The following IPMK variants were observed in gnomAD, a reference collection of about 807,000 sequenced individuals.
IPMK encodes the protein inositol polyphosphate multikinase, also known as inositol 1,3,4,6-tetrakisphosphate 5-kinase.
A neutral mutation model predicts 45.8 loss-of-function variants in IPMK; 17 were observed. The ratio of observed to expected loss-of-function variants is 0.37; its 90% CI spans 0.25 to 0.56. IPMK has a LOEUF of 0.56. IPMK is among the 20% of genes least tolerant of loss of function. The pLI, the probability that IPMK is intolerant of heterozygous loss-of-function variation, is 0.79. For synonymous variants in IPMK, 180 were observed against 184.3 expected (o/e 0.98, Z 0.19); for missense variants, 399 against 498.0 (o/e 0.80, Z 1.89).
intron 1 of IPMK, among the ~76,000 whole-genome samples, chr10:58,258,288 G>A (rs1343483556): frequency 6.7e-6 from 1 of 150,280 alleles, no homozygotes; most frequent in East Asian, 2.0e-4. Context: ...CCAGCCTGGC[G>A]ACGGAGCGAG....
At chr10:58,250,255 CTG>C (rs1359207445) in intron 1 of IPMK, among the ~76,000 whole-genome samples, 2 of 152,204 alleles carry the variant, frequency 1.3e-5, no homozygotes, top group Admixed American at 6.5e-5. Context: ...TACATTGACT[CTG>C]TAGACTGCTT....
rs774063548 is a variant in IPMK, at chr10:58,196,481, T to A, written c.846A>T (p.Gln282His). 3.1e-6 allele frequency: 5 copies of A among 1,613,990 alleles called. No homozygotes were observed. The highest frequency in any genetic ancestry group is 4.2e-6 in the Non-Finnish European group (5 of 1,180,006). The change falls in exon 6 of 6, where the codon CAA becomes CAT. Residue 282 changes from glutamine to histidine, a missense_variant. Gln to His is a conservative substitution (Grantham distance 24). Around this residue, in one of 2 missense-constraint regions of IPMK, gnomAD observed 288 missense variants for 398.0 expected, o/e 0.72. Transcript: ENST00000373935. ...ACTCTAGTACTTCTGTGTCTGACAG[T>A]TGTCCTTTGGACAAAAACTTTTCTG... ...TLAEKFLSKG[Q>H]LSDTEVLEYN... is the part of the protein sequence containing the mutation.
intron 1 of IPMK, among the ~76,000 whole-genome samples, chr10:58,241,917 T>C (rs1838700966): frequency 6.6e-6 from 1 of 151,660 alleles, no homozygotes; most frequent in Admixed American, 6.6e-5. Context: ...ATAACAACAA[T>C]ACTTACATTT....
At chr10:58,204,954 A>T (rs1240964931) in intron 4 of IPMK, among the ~76,000 whole-genome samples, 2 of 152,178 alleles carry the variant, frequency 1.3e-5, no homozygotes, top group East Asian at 3.8e-4. Flanking sequence ...TAATTCCAAC[A>T]AGGGTATCAA....
In IPMK at chr10:58,193,485, CATTG is replaced by C. The variant is rs1425444797; in HGVS notation, c.*2587_*2590del. On this transcript the variant is annotated 3_prime_UTR_variant, in exon 6 of 6. Coordinates refer to ENST00000373935, the MANE Select transcript of IPMK (RefSeq NM_152230.5). ...TTTAGATAAAATATTTAGCATTTATCATTGATTTTAATTTATTTGAATCTATGCA... is the reference window on the plus strand; with the variant it reads ...TTTAGATAAAATATTTAGCATTTATCATTTTAATTTATTTGAATCTATGCA... 1 of 151,726 alleles carries C rather than the reference CATTG, an allele frequency of 6.6e-6. No homozygotes were observed. The highest frequency in any genetic ancestry group is 2.4e-5 in the African/African-American group (1 of 41,382). 9.4% of individuals were successfully genotyped at this position (151,726 alleles called of 1,614,324 possible). A position where few individuals can be genotyped will look rare whatever the true frequency, so the allele number is the denominator to read the frequency against.
At chr10:58,243,060 A>G (rs563814525) in intron 1 of IPMK, among the ~76,000 whole-genome samples, 1 of 152,242 alleles carries the variant, frequency 6.6e-6, no homozygotes, top group Admixed American at 6.5e-5. Context: ...GAGTCAATTA[A>G]ACCTCTTTTC....
chr10:58,214,785 T>G (rs1361416988), intron 4 of IPMK, among the ~76,000 whole-genome samples: 1 of 152,198 alleles, frequency 6.6e-6, no homozygotes, highest in Non-Finnish European at 1.5e-5. Context: ...AAATTTTACC[T>G]TCACGCATCT....
rs944775565 is a variant in IPMK, at chr10:58,201,902, T to A, written c.547-2581A>T. Among the ~76,000 whole-genome samples the A allele has an allele frequency of 6.6e-4, 101 of 152,178 alleles. 1 individual carries two copies. Among genetic ancestry groups the A allele is most frequent in the African/African-American group, 2.4e-3 (99 of 41,456 alleles). ...ATGAAGAAAGTGTTAGTGGTCTGGATAGAAGACCAAACCAGCCACAACATT... is the reference window on the plus strand; with the variant it reads ...ATGAAGAAAGTGTTAGTGGTCTGGAAAGAAGACCAAACCAGCCACAACATT... On this transcript the variant is annotated intron_variant, in intron 4 of 5. Coordinates refer to ENST00000373935, the MANE Select transcript of IPMK (RefSeq NM_152230.5).
chr10:58,227,422 A>C (rs1331636067), intron 2 of IPMK, among the ~76,000 whole-genome samples: 1 of 152,218 alleles, frequency 6.6e-6, no homozygotes, highest in East Asian at 1.9e-4. Flanking sequence ...ACTCTTGTCC[A>C]TAAACATGTA....
intron 1 of IPMK, among the ~76,000 whole-genome samples, chr10:58,248,947 T>C (rs1164070272): frequency 6.6e-6 from 1 of 152,260 alleles, no homozygotes; most frequent in Admixed American, 6.5e-5. Flanking sequence ...TGTGGACACG[T>C]AGGTTGATTC....
Position 58,196,335 on chromosome 10 carries a change from CTG to C in IPMK, c.990_991del (p.His330GlnfsTer8). On this transcript the variant is annotated frameshift_variant, in exon 6 of 6. Coordinates refer to ENST00000373935, the MANE Select transcript of IPMK (RefSeq NM_152230.5). LOFTEE classifies it high-confidence loss of function. ...ATTTTCAACTTTCAATGAAGTCTGACTGTGATGCTTTTTTGTATATATTTTCC... is the reference window on the plus strand; with the variant it reads ...ATTTTCAACTTTCAATGAAGTCTGACTGATGCTTTTTTGTATATATTTTCC... 1.9e-6 allele frequency: 3 copies of C among 1,614,150 alleles called. No homozygotes were observed. The highest frequency in any genetic ancestry group is 2.5e-6 in the Non-Finnish European group (3 of 1,180,016).
intron 1 of IPMK, among the ~76,000 whole-genome samples, chr10:58,255,006 G>A (rs1247186406): frequency 6.6e-6 from 1 of 152,194 alleles, no homozygotes; most frequent in Non-Finnish European, 1.5e-5. Flanking sequence ...AACTTTAGTG[G>A]GCACTGGAAC....
At chr10:58,211,072 A>C (rs1838151548) in intron 4 of IPMK, among the ~76,000 whole-genome samples, 1 of 152,216 alleles carries the variant, frequency 6.6e-6, no homozygotes, top group African/African-American at 2.4e-5. Flanking sequence ...AAAATAACAA[A>C]ACTGAACTTG....
At chr10:58,253,754 A>G (rs11006096) in intron 1 of IPMK, among the ~76,000 whole-genome samples, 45,399 of 143,132 alleles carry the variant, frequency 0.32, 9,540 homozygotes, top group African/African-American at 0.59. Context: ...AAAAAAAGAA[A>G]AAAAAAGAAA....
chr10:58,242,282 C>T (rs1838706322), intron 1 of IPMK, among the ~76,000 whole-genome samples: 1 of 151,454 alleles, frequency 6.6e-6, no homozygotes, highest in Admixed American at 6.6e-5. Flanking sequence ...ATGGTGAAAC[C>T]CCATCTCTAC....
intron 1 of IPMK, among the ~76,000 whole-genome samples, chr10:58,252,324 CTCT>C (rs1225394447): frequency 2.0e-5 from 3 of 152,042 alleles, no homozygotes; most frequent in Non-Finnish European, 4.4e-5. Flanking sequence ...TTTATATTGC[CTCT>C]TAACCAATTG....
chr10:58,196,463 T>C lies in IPMK; in HGVS notation c.864A>G (p.Val288=). 6.2e-7 allele frequency: 1 copy of C among 1,614,168 alleles called. No individual in the cohort carries two copies. The change falls in exon 6 of 6, where the codon GTA becomes GTG. Residue 288 remains valine (V), a synonymous_variant. Transcript: ENST00000373935. ...CATGAAAGTTATTATTGTACTCTAG[T>C]ACTTCTGTGTCTGACAGTTGTCCTT... ...LSKGQLSDTE[V]LEYNNNFHVL... is the part of the protein sequence containing the mutation.
At chr10:58,252,846 A>G (rs1031840324) in intron 1 of IPMK, among the ~76,000 whole-genome samples, 1 of 152,000 alleles carries the variant, frequency 6.6e-6, no homozygotes, top group Non-Finnish European at 1.5e-5. Context: ...TCCTGACTTC[A>G]GGTGATCCAC....
chr10:58,247,223 C>G lies in IPMK; in HGVS notation c.191-9409G>C, dbSNP rs1019056807. On this transcript the variant is annotated intron_variant, in intron 1 of 5. Transcript: ENST00000373935. Reference sequence around the variant, plus strand: ...CTGTTGCTGGGACTGTAAACTAGTTCAACCATTGTGGAAGTCAGTGTGGCG... The same window carrying G: ...CTGTTGCTGGGACTGTAAACTAGTTGAACCATTGTGGAAGTCAGTGTGGCG... Among the ~76,000 whole-genome samples the G allele has an allele frequency of 6.0e-5, 9 of 148,856 alleles. 1 individual carries two copies. The East Asian group carries it at 9.7e-4, about 16-fold the overall frequency.
Sources: allele counts gnomAD v4.1 joint callset (sites outside exome capture counted in the v4.1 genomes callset), GRCh38; gene constraint gnomAD v4.1.1; regional missense constraint gnomAD v4.1.1; transcripts MANE v1.5; gene names NCBI Gene and HGNC (gene_info 2026-07-23, HGNC 2026-07-21).